BRSK2: variants seen among roughly 807,000 people sequenced by gnomAD.
BRSK2 encodes the protein BR serine/threonine kinase 2.
BRSK2 carries 19 observed loss-of-function variants against 83.3 expected under a neutral mutation model. That is an observed-to-expected ratio of 0.23 (90% CI 0.16 to 0.33). BRSK2 has a LOEUF of 0.33. BRSK2 is among the 10% of genes least tolerant of loss of function. The probability of loss-of-function intolerance (pLI) is 1.00; values close to 1 mark genes in which losing one functional copy is unlikely to be tolerated. For synonymous variants in BRSK2, 519 were observed against 435.4 expected (o/e 1.19, Z -2.39); for missense variants, 798 against 1,042.3 (o/e 0.77, Z 3.23).
intron 1 of BRSK2, among the ~76,000 whole-genome samples, chr11:1,418,656 T>C (rs1848351614): frequency 1.3e-5 from 2 of 152,138 alleles, no homozygotes; most frequent in African/African-American, 4.8e-5. Flanking sequence ...TTCTTCTCTT[T>C]GGAGGGGGTC....
intron 1 of BRSK2, among the ~76,000 whole-genome samples, chr11:1,414,968 A>G (rs1246154910): frequency 3.3e-5 from 5 of 152,090 alleles, no homozygotes; most frequent in Non-Finnish European, 7.3e-5. Flanking sequence ...TGCCGTGGAC[A>G]TGTGGCTGCT....
chr11:1,402,616 G>A (rs1479127065), intron 1 of BRSK2, among the ~76,000 whole-genome samples: 1 of 145,754 alleles, frequency 6.9e-6, no homozygotes, highest in Non-Finnish European at 1.5e-5. Flanking sequence ...TCTCCCTGGA[G>A]CTCCCCACAC....
chr11:1,448,464 T>TCCTGCC (rs984093430), intron 12 of BRSK2, among the ~76,000 whole-genome samples: 6 of 152,314 alleles, frequency 3.9e-5, no homozygotes, highest in South Asian at 4.1e-4. Flanking sequence ...GCGCCGTCTC[T>TCCTGCC]CCTGCCCCTG....
intron 12 of BRSK2, among the ~76,000 whole-genome samples, 189 bp downstream of exon 12, chr11:1,446,096 GGCTGGGCTGGGCTGGGA>G (rs1852047238): frequency 6.8e-6 from 1 of 146,322 alleles, no homozygotes; most frequent in Non-Finnish European, 1.5e-5. Context: ...GGCTTAGCTG[GGCTGGGCTGGGCTGGGA>G]GCTGAGCTGG....
At chr11:1,456,101 G>A (rs992268135) in intron 16 of BRSK2, among the ~76,000 whole-genome samples, 8 of 152,146 alleles carry the variant, frequency 5.3e-5, no homozygotes, top group Non-Finnish European at 4.4e-5. Flanking sequence ...GTGGCTGCCT[G>A]AGAAAAGCCC....
At chr11:1,460,259 G>A (rs868714113) in intron 19 of BRSK2, among the ~76,000 whole-genome samples, 10 of 152,000 alleles carry the variant, frequency 6.6e-5, no homozygotes, top group Admixed American at 2.0e-4. Context: ...CTTCCCCACC[G>A]CACAGCCCCC....
rs545671347 is a variant in BRSK2, at chr11:1,418,796, T to TG, written c.92-17238dup. On this transcript the variant is annotated intron_variant, in intron 1 of 19. Coordinates refer to ENST00000528841, the MANE Select transcript of BRSK2 (RefSeq NM_001256627.2). ...GGGCTCCCTGCCTGTGTTGGGCATG[T>TG]GGGGGGCTGCTCAGCCAGATCCAAA... is the stretch of plus-strand genomic sequence containing the variant. Among the ~76,000 whole-genome samples, 6 of 152,350 alleles carry TG rather than the reference T, an allele frequency of 3.9e-5. No individual in the cohort carries two copies. In the South Asian group the frequency reaches 1.2e-3, roughly 32 times the overall value.
intron 16 of BRSK2, among the ~76,000 whole-genome samples, chr11:1,455,652 G>A (rs1036617407): frequency 7.9e-5 from 12 of 151,960 alleles, no homozygotes; most frequent in Admixed American, 4.6e-4. Context: ...CAGCGTCCCC[G>A]TCCCCGTCCC....
chr11:1,428,720 G>C (rs1249128122), intron 1 of BRSK2, among the ~76,000 whole-genome samples: 2 of 152,196 alleles, frequency 1.3e-5, no homozygotes, highest in Non-Finnish European at 2.9e-5. Flanking sequence ...TGCACACTGG[G>C]AGTGTGCATG....
intron 1 of BRSK2, among the ~76,000 whole-genome samples, chr11:1,397,234 G>A (rs1336984659): frequency 6.6e-6 from 1 of 152,206 alleles, no homozygotes; most frequent in African/African-American, 2.4e-5. Flanking sequence ...ATGTCCGCCG[G>A]GCCAGGCTGC....
At chr11:1,402,507 G>T (rs563900860) in intron 1 of BRSK2, among the ~76,000 whole-genome samples, 71 of 152,328 alleles carry the variant, frequency 4.7e-4, no homozygotes, top group African/African-American at 1.6e-3. Context: ...GGGTGGTGCT[G>T]CGTGTAACCC....
chr11:1,448,813 G>T (rs1852567121), intron 12 of BRSK2, among the ~76,000 whole-genome samples: 1 of 152,230 alleles, frequency 6.6e-6, no homozygotes, highest in Admixed American at 6.5e-5. Flanking sequence ...TCGTCACCGT[G>T]GGGACCAGCC....
intron 18 of BRSK2, 109 bp downstream of exon 18, chr11:1,456,796 C>A: frequency 7.5e-7 from 1 of 1,334,096 alleles, no homozygotes; most frequent in Non-Finnish European, 1.0e-6. Context: ...CCTGGCCCCT[C>A]TTGACGGACG....
intron 8 of BRSK2, among the ~76,000 whole-genome samples, chr11:1,444,585 G>C (rs1361584716): frequency 6.6e-6 from 1 of 151,964 alleles, no homozygotes; most frequent in Non-Finnish European, 1.5e-5. Context: ...TTCCTTCCTA[G>C]AGCCACGGAG....
rs1021290152 is a variant in BRSK2, at chr11:1,461,094, C to A, written c.*371C>A. 2.0e-6 allele frequency: 3 copies of A among 1,520,832 alleles called. No individual in the cohort carries two copies. Among genetic ancestry groups the A allele is most frequent in the African/African-American group, 2.8e-5 (2 of 72,678 alleles). The allele number at this position is 1,520,832 out of a possible 1,614,324, so 94.2% of individuals were successfully genotyped here. On this transcript the variant is annotated 3_prime_UTR_variant, in exon 20 of 20. Transcript: ENST00000528841. ...TGCCGGGCAGTGAGGCCCAGCCCAG[C>A]GCCCCGTCCACCCCGCGGCAGCTCC...
At chr11:1,439,020 C>T (rs1564843221) in intron 3 of BRSK2, among the ~76,000 whole-genome samples, 1 of 152,194 alleles carries the variant, frequency 6.6e-6, no homozygotes, top group Non-Finnish European at 1.5e-5. Flanking sequence ...TCTGATGGGG[C>T]TTTCTGACAG....
chr11:1,425,647 C>T (rs1431825987), intron 1 of BRSK2, among the ~76,000 whole-genome samples: 1 of 152,186 alleles, frequency 6.6e-6, no homozygotes, highest in East Asian at 1.9e-4. Flanking sequence ...GCACCGAGGT[C>T]AGCAGCCCAT....
Position 1,443,478 on chromosome 11 carries a change from G to T in BRSK2, c.634-11G>T. ...CCCCCCACGCTGACCCCCACACCCG[G>T]CCGCCCGCAGGGGGCTCTGCCCTTC... On this transcript the variant is annotated splice_polypyrimidine_tract_variant and intron_variant, in intron 7 of 19. Transcript: ENST00000528841. The T allele has an allele frequency of 6.3e-7, 1 of 1,581,892 alleles. No individual in the cohort carries two copies.
rs780515581 is a variant in BRSK2 at position 1,460,769 on chromosome 11, C to T, written c.*46C>T. 23 of 1,331,944 alleles carry T rather than the reference C, an allele frequency of 1.7e-5. No individual in the cohort carries two copies. The highest frequency in any genetic ancestry group is 7.5e-5 in the East Asian group (2 of 26,528). The allele number at this position is 1,331,944 out of a possible 1,614,324, so 82.5% of individuals were successfully genotyped here. ...AGCACAGCACTGACAGCGGCTGCCT[C>T]GCCGCCCGCCGCCCGCCCTGCCCCG... On this transcript the variant is annotated 3_prime_UTR_variant, in exon 20 of 20. Coordinates refer to ENST00000528841, the MANE Select transcript of BRSK2 (RefSeq NM_001256627.2).
Sources: allele counts gnomAD v4.1 joint callset (sites outside exome capture counted in the v4.1 genomes callset), GRCh38; gene constraint gnomAD v4.1.1; transcripts MANE v1.5; gene names NCBI Gene and HGNC (gene_info 2026-07-23, HGNC 2026-07-21).